NTRK2: variants seen among roughly 807,000 people sequenced by gnomAD.
NTRK2 encodes neurotrophic receptor tyrosine kinase 2, also known as BDNF/NT-3 growth factors receptor.
Under a neutral mutation model 94.5 loss-of-function variants are expected in NTRK2, and 13 were observed. The ratio of observed to expected loss-of-function variants is 0.14; its 90% CI spans 0.09 to 0.22. The LOEUF is 0.22. Among genes scored for constraint, NTRK2 ranks in the 10% least tolerant of loss-of-function variants. The probability of loss-of-function intolerance (pLI) is 1.00; values close to 1 mark genes in which losing one functional copy is unlikely to be tolerated. For missense variants in NTRK2, 639 were observed against 1,071.2 expected (o/e 0.60, Z 5.63); for synonymous variants, 372 against 407.4 (o/e 0.91, Z 1.05).
At chr9:84,847,615 A>G (rs1163172604) in intron 12 of NTRK2, among the ~76,000 whole-genome samples, 1 of 152,226 alleles carries the variant, frequency 6.6e-6, no homozygotes, top group Non-Finnish European at 1.5e-5. Context: ...GCTTATGTCA[A>G]CCTTCGAACA....
intron 15 of NTRK2, among the ~76,000 whole-genome samples, chr9:84,937,467 G>A (rs2078250053): frequency 6.6e-6 from 1 of 152,170 alleles, no homozygotes; most frequent in Non-Finnish European, 1.5e-5. Flanking sequence ...AAGAGCTTGA[G>A]GGATCCATAG....
chr9:84,787,022 G>T (rs2068183830), intron 12 of NTRK2, among the ~76,000 whole-genome samples: 1 of 152,094 alleles, frequency 6.6e-6, no homozygotes, highest in African/African-American at 2.4e-5. Flanking sequence ...AGTCAGGTGG[G>T]CGCGGTGGCT....
At chr9:84,929,166 G>GA (rs1178021398) in intron 14 of NTRK2, among the ~76,000 whole-genome samples, 15 of 152,250 alleles carry the variant, frequency 9.9e-5, no homozygotes, top group African/African-American at 3.1e-4. Context: ...CTTCTGGGAG[G>GA]AATCTATACC....
intron 14 of NTRK2, chr9:84,877,175 G>A (rs2076097498): frequency 5.6e-6 from 6 of 1,064,808 alleles, no homozygotes; most frequent in African/African-American, 4.9e-5. Flanking sequence ...TTTAAGTAAA[G>A]TGGATCTTAG....
chr9:84,938,856 G>A (rs980432308), intron 15 of NTRK2, among the ~76,000 whole-genome samples: 1 of 152,034 alleles, frequency 6.6e-6, no homozygotes, highest in Non-Finnish European at 1.5e-5. Flanking sequence ...TTCAAGACCA[G>A]CCTGGGCAAC....
intron 14 of NTRK2, among the ~76,000 whole-genome samples, chr9:84,932,480 G>A (rs552336732): frequency 6.6e-6 from 1 of 152,076 alleles, no homozygotes; most frequent in East Asian, 1.9e-4. Flanking sequence ...TGGGTTCATA[G>A]GTATCCATTT....
intron 14 of NTRK2, among the ~76,000 whole-genome samples, chr9:84,919,094 T>C (rs2077483533): frequency 6.6e-6 from 1 of 152,204 alleles, no homozygotes; most frequent in Non-Finnish European, 1.5e-5. Flanking sequence ...ATACCCCTGA[T>C]TGAGCAGAGG....
At chr9:84,815,807 T>A in intron 12 of NTRK2, 1 of 919,014 alleles carries the variant, frequency 1.1e-6, no homozygotes, top group Non-Finnish European at 1.3e-6. Flanking sequence ...AACTGAAGAC[T>A]TTAGAAGAAA....
intron 6 of NTRK2, 27 bp downstream of exon 6, chr9:84,710,818 C>A (rs1449192278): frequency 1.2e-6 from 2 of 1,611,908 alleles, no homozygotes; most frequent in Non-Finnish European, 1.7e-6. Flanking sequence ...TCAATGTGTT[C>A]TAGTTGCTAT....
rs1010839933 is a variant in NTRK2, at chr9:84,891,745, C to T, written c.1633+24314C>T. On this transcript the variant is annotated intron_variant, in intron 14 of 18. Coordinates refer to ENST00000277120, the MANE Select transcript of NTRK2 (RefSeq NM_006180.6). ...GCTAAATACAAGTGATTTTTATTGA[C>T]GTTCATGTCTATGTTTTCATCCTTT... is the stretch of plus-strand genomic sequence containing the variant. Among the ~76,000 whole-genome samples, 6 of 152,224 alleles carry T rather than the reference C, an allele frequency of 3.9e-5. No homozygotes were observed. In the East Asian group the frequency reaches 9.7e-4, roughly 25 times the overall value.
Position 85,026,139 on chromosome 9 carries a change from A to AAAATAT in NTRK2, c.*4703_*4704insAATATA. ...AAACACAAAGCAAAGCAAAAAAAAA[A>AAAATAT]ATATATATATATATATCTGTATATG... is the stretch of plus-strand genomic sequence containing the variant. On this transcript the variant is annotated 3_prime_UTR_variant, in exon 19 of 19. Transcript: ENST00000277120. 5.1e-6 allele frequency: 1 copy of AAAATAT among 195,372 alleles called. No homozygotes were observed. The highest frequency in any genetic ancestry group is 1.9e-4 in the South Asian group (1 of 5,140). The allele number at this position is 195,372 out of a possible 1,614,324, so 12.1% of individuals were successfully genotyped here.
At chr9:84,679,118 C>A (rs1467785686) in intron 2 of NTRK2, among the ~76,000 whole-genome samples, 3 of 152,164 alleles carry the variant, frequency 2.0e-5, no homozygotes, top group Admixed American at 6.5e-5. Context: ...CCTCCCAGAA[C>A]CTTGATCTTA....
chr9:84,748,011 A>C (rs1166733498), intron 11 of NTRK2, among the ~76,000 whole-genome samples: 1 of 152,218 alleles, frequency 6.6e-6, no homozygotes, highest in Non-Finnish European at 1.5e-5. Context: ...AGATTAGAAG[A>C]GTTTGAGAGC....
chr9:84,931,732 A>G (rs1017189872), intron 14 of NTRK2, among the ~76,000 whole-genome samples: 5 of 150,332 alleles, frequency 3.3e-5, no homozygotes, highest in Admixed American at 3.3e-4. Flanking sequence ...AAAAAAAAAC[A>G]AAAAAAACCA....
chr9:84,967,653 T>C (rs1227758425), intron 17 of NTRK2, among the ~76,000 whole-genome samples: 1 of 152,266 alleles, frequency 6.6e-6, no homozygotes, highest in Non-Finnish European at 1.5e-5. Flanking sequence ...AGCCCAGCTA[T>C]GTGGCCCACG....
At chr9:84,882,719 T>TGTGCGCGC (rs761042296) in intron 14 of NTRK2, among the ~76,000 whole-genome samples, 2 of 145,742 alleles carry the variant, frequency 1.4e-5, no homozygotes, top group African/African-American at 2.6e-5. Flanking sequence ...TGTGTGTGTG[T>TGTGCGCGC]GCGCGCGCGC....
intron 6 of NTRK2, among the ~76,000 whole-genome samples, chr9:84,722,160 C>CTTTTTTTTTT (rs36100177): frequency 1.5e-5 from 1 of 67,090 alleles, no homozygotes; most frequent in Non-Finnish European, 2.8e-5. Context: ...CTATTAGGGG[C>CTTTTTTTTTT]TTTTTTTTTT....
At chr9:84,899,701 G>C (rs1009483308) in intron 14 of NTRK2, among the ~76,000 whole-genome samples, 6 of 152,192 alleles carry the variant, frequency 3.9e-5, no homozygotes, top group Non-Finnish European at 1.5e-5. Flanking sequence ...TTCATATTGG[G>C]GTGATAGAGG....
chr9:84,798,940 A>ATATATATATATATG (rs1564302712), intron 12 of NTRK2, among the ~76,000 whole-genome samples: 1 of 117,804 alleles, frequency 8.5e-6, no homozygotes, highest in African/African-American at 2.8e-5. Context: ...ATATATATAT[A>ATATATATATATATG]TGCTTATTTA....
Sources: gnomAD v4.1 joint callset for allele counts (sites outside exome capture counted in the v4.1 genomes callset) on GRCh38, gnomAD v4.1.1 for gene constraint, MANE v1.5 for transcripts, NCBI Gene and HGNC (gene_info 2026-07-23, HGNC 2026-07-21) for gene names.